The following GPC3 variants were observed in gnomAD, a reference collection of about 807,000 sequenced individuals.
The protein encoded by GPC3 is glypican-3.
GPC3 carries 3 observed loss-of-function variants against 34.4 expected under a neutral mutation model. The observed-to-expected ratio is 0.09, with a 90% confidence interval of 0.04 to 0.23. The LOEUF (loss-of-function observed/expected upper bound fraction) is 0.23, where lower values mean the gene tolerates loss of function less well. Among genes scored for constraint, GPC3 ranks in the 10% least tolerant of loss-of-function variants. The pLI is 1.00. For synonymous variants in GPC3, 177 were observed against 174.0 expected (o/e 1.02, Z -0.13); for missense variants, 351 against 445.6 (o/e 0.79, Z 1.91).
At chrX:133,812,956 G>A (rs753554222) in intron 2 of GPC3, among the ~76,000 whole-genome samples, 6 of 112,519 alleles carry the variant, frequency 5.3e-5, no homozygotes, top group Non-Finnish European at 9.4e-5. Context: ...CCAGCTGCAA[G>A]CTAAGCTATT....
chrX:133,787,647 TTCTGTTCTGTTCTGC>T (rs1188683061), intron 2 of GPC3, among the ~76,000 whole-genome samples: 51 of 111,763 alleles, frequency 4.6e-4, no homozygotes, highest in Non-Finnish European at 5.8e-4. Flanking sequence ...CTTCCTTCTA[TTCTGTTCTGTTCTGC>T]TCTGTTCTGT....
At chrX:133,760,003 A>C (rs745553439) in intron 2 of GPC3, among the ~76,000 whole-genome samples, 1 of 112,096 alleles carries the variant, frequency 8.9e-6, no homozygotes, top group South Asian at 3.7e-4. Flanking sequence ...ACCAAAGAAG[A>C]TATACAGATG....
intron 1 of GPC3, among the ~76,000 whole-genome samples, chrX:133,976,919 A>G (rs1023328411): frequency 1.1e-5 from 1 of 90,663 alleles, no homozygotes; most frequent in Non-Finnish European, 2.2e-5. Context: ...CTCTGTCTCA[A>G]AAAATGATAA....
intron 2 of GPC3, among the ~76,000 whole-genome samples, chrX:133,927,570 T>C (rs2076281096): frequency 9.1e-6 from 1 of 109,705 alleles, no homozygotes; most frequent in Admixed American, 9.8e-5. Context: ...TCATCCTCCC[T>C]GGGCTCAGGT....
At chrX:133,940,336 TATC>T (rs1271718972) in intron 2 of GPC3, among the ~76,000 whole-genome samples, 1 of 111,856 alleles carries the variant, frequency 8.9e-6, no homozygotes, top group Non-Finnish European at 1.9e-5. Context: ...AGCTTATTTT[TATC>T]TTCTAGCTCC....
intron 3 of GPC3, among the ~76,000 whole-genome samples, chrX:133,719,773 T>C (rs775460182): frequency 2.6e-4 from 29 of 111,930 alleles, no homozygotes; most frequent in Non-Finnish European, 4.7e-4. Context: ...GCAGAATAAA[T>C]AGACAACCCA....
chrX:133,694,811 G>A (rs781433174), intron 4 of GPC3, among the ~76,000 whole-genome samples: 3 of 108,826 alleles, frequency 2.8e-5, no homozygotes, highest in African/African-American at 6.7e-5. Context: ...AACCCTTGCA[G>A]TTTTCTTGGT....
In GPC3 at chrX:133,929,789, A is replaced by T. The variant is rs1385490050; in HGVS notation, c.337+23261T>A. 3.6e-5 allele frequency among the ~76,000 whole-genome samples: 4 copies of T among 112,250 alleles called. No homozygotes were observed. In the East Asian group the frequency reaches 1.1e-3, roughly 31 times the overall value. On this transcript the variant is annotated intron_variant, in intron 2 of 7. Transcript: ENST00000370818. ...AAAACATGGCATTTGAGGCAAACAG[A>T]AACTTAGTAAAGTAAAAGTGCTGAT...
intron 7 of GPC3, among the ~76,000 whole-genome samples, chrX:133,558,903 GTAAATAAATAAA>G (rs755481125): frequency 1.2e-4 from 12 of 102,605 alleles, no homozygotes; most frequent in East Asian, 9.3e-4. Context: ...AAATAAGTAA[GTAAATAAATAAA>G]TAAATAAATA....
chrX:133,823,778 A>G (rs1428033295), intron 2 of GPC3, among the ~76,000 whole-genome samples: 1 of 110,139 alleles, frequency 9.1e-6, no homozygotes, highest in Non-Finnish European at 1.9e-5. Flanking sequence ...TCAGGAGCTC[A>G]AGAGCAGCCT....
At chrX:133,802,911 ATTC>A (rs2075616841) in intron 2 of GPC3, among the ~76,000 whole-genome samples, 1 of 92,840 alleles carries the variant, frequency 1.1e-5, no homozygotes, top group East Asian at 3.9e-4. Flanking sequence ...AGTGGAAGGT[ATTC>A]TTTTTTTTTT....
At chrX:133,934,712 G>C (rs914832464) in intron 2 of GPC3, among the ~76,000 whole-genome samples, 1 of 104,819 alleles carries the variant, frequency 9.5e-6, no homozygotes, top group African/African-American at 3.5e-5. Flanking sequence ...TTATAGAGAC[G>C]GGGTTTCGCC....
At chrX:133,775,546 T>C (rs1274591219) in intron 2 of GPC3, among the ~76,000 whole-genome samples, 1 of 111,853 alleles carries the variant, frequency 8.9e-6, no homozygotes, top group East Asian at 2.8e-4. Context: ...GTCTAGGCTG[T>C]CTAACTGCTC....
chrX:133,744,825 T>C (rs1291271190), intron 3 of GPC3, among the ~76,000 whole-genome samples: 3 of 111,935 alleles, frequency 2.7e-5, no homozygotes, highest in African/African-American at 6.5e-5. Flanking sequence ...TGTAATACTA[T>C]GCAGCCATAA....
intron 2 of GPC3, among the ~76,000 whole-genome samples, chrX:133,940,314 A>G (rs1468424172): frequency 1.8e-5 from 2 of 111,673 alleles, no homozygotes; most frequent in Non-Finnish European, 3.8e-5. Flanking sequence ...TGATCATTTC[A>G]ATAAGTTTTA....
intron 2 of GPC3, among the ~76,000 whole-genome samples, chrX:133,874,235 C>T (rs2076006089): frequency 8.9e-6 from 1 of 112,197 alleles, no homozygotes; most frequent in Admixed American, 9.5e-5. Flanking sequence ...CATAAACCAT[C>T]TCATTTCTTT....
At chrX:133,680,921 C>T (rs1338498845) in intron 5 of GPC3, among the ~76,000 whole-genome samples, 1 of 111,498 alleles carries the variant, frequency 9.0e-6, no homozygotes, top group Non-Finnish European at 1.9e-5. Context: ...GACTCAAATG[C>T]CCACCATTTG....
intron 7 of GPC3, among the ~76,000 whole-genome samples, chrX:133,554,424 C>T (rs1419229009): frequency 4.6e-5 from 5 of 109,602 alleles, no homozygotes; most frequent in Non-Finnish European, 7.6e-5. Context: ...CTAGATTTCT[C>T]GTCAAAGAAT....
At chrX:133,694,824 A>T (rs912540247) in intron 4 of GPC3, among the ~76,000 whole-genome samples, 2 of 110,147 alleles carry the variant, frequency 1.8e-5, no homozygotes, top group Non-Finnish European at 3.8e-5. Flanking sequence ...TTCTTGGTGG[A>T]TCATAAAGAT....
Sources: allele counts gnomAD v4.1 joint callset (sites outside exome capture counted in the v4.1 genomes callset), GRCh38; gene constraint gnomAD v4.1.1; transcripts MANE v1.5; gene names NCBI Gene and HGNC (gene_info 2026-07-23, HGNC 2026-07-21).